The following NLRP4 variants were observed in gnomAD, a reference collection of about 807,000 sequenced individuals.
NLRP4 encodes the protein NACHT, LRR and PYD domains-containing protein 4.
Under a neutral mutation model 84.7 loss-of-function variants are expected in NLRP4, and 44 were observed. The observed-to-expected ratio is 0.52, with a 90% CI of 0.41 to 0.67. The LOEUF is 0.67. NLRP4 is among the 30% of genes least tolerant of loss of function. The pLI, the probability that NLRP4 is intolerant of heterozygous loss-of-function variation, is 0.00. For synonymous variants in NLRP4, 544 were observed against 476.4 expected, an observed-to-expected ratio of 1.14 and a Z score of -1.85; for missense variants, 1,260 against 1,219.4, an observed-to-expected ratio of 1.03 and a Z score of -0.50.
chr19:55,859,354 T>C (rs1431510990), intron 3 of NLRP4, 105 bp downstream of exon 3: 2 of 904,496 alleles, frequency 2.2e-6, no homozygotes, highest in East Asian at 2.5e-5. Flanking sequence ...TAGAAACTCA[T>C]TTTTTCTGCC....
At chr19:55,864,962 A>AT (rs1258485490) in intron 5 of NLRP4, among the ~76,000 whole-genome samples, 1 of 152,216 alleles carries the variant, frequency 6.6e-6, no homozygotes, top group African/African-American at 2.4e-5. Flanking sequence ...GTTTTTAAAC[A>AT]TTTAAAAATT....
intron 4 of NLRP4, 85 bp from the exon 5 acceptor site, chr19:55,861,907 T>C: frequency 1.1e-6 from 1 of 922,148 alleles, no homozygotes; most frequent in East Asian, 2.4e-5. Flanking sequence ...AATGAGTTCA[T>C]GATGGATGAT....
chr19:55,864,008 A>T (rs1238156239), intron 5 of NLRP4, among the ~76,000 whole-genome samples: 2 of 152,330 alleles, frequency 1.3e-5, no homozygotes, highest in South Asian at 4.1e-4. Context: ...TTTAAAAAAT[A>T]ACAACTTTAT....
intron 3 of NLRP4, among the ~76,000 whole-genome samples, chr19:55,861,045 G>A (rs377363330): frequency 6.6e-6 from 1 of 152,160 alleles, no homozygotes; most frequent in East Asian, 1.9e-4. Context: ...TGTTTTGGGG[G>A]CTGGCTCTCC....
rs1462313995 is a variant in NLRP4, at chr19:55,836,574, C to A, written c.-426C>A. 1 of 152,396 alleles carries A rather than the reference C, an allele frequency of 6.6e-6. No homozygotes were observed. Among genetic ancestry groups the A allele is most frequent in the Admixed American group, 6.5e-5 (1 of 15,278 alleles). The allele number at this position is 152,396 out of a possible 1,614,324, so 9.4% of individuals were successfully genotyped here. On this transcript the variant is annotated 5_prime_UTR_variant, in exon 1 of 10. Transcript: ENST00000301295. ...GAAGGCGTGGAGCGGTGAGTCAGCG[C>A]TTCGTGCTGGGCTGTTCGTCTCTTC...
At chr19:55,880,738 A>G (rs1465313068) in intron 9 of NLRP4, among the ~76,000 whole-genome samples, 1 of 152,112 alleles carries the variant, frequency 6.6e-6, no homozygotes, top group Non-Finnish European at 1.5e-5. Flanking sequence ...TTCTGATTCA[A>G]AGCAATGATA....
At chr19:55,861,125 T>C (rs907821861) in intron 3 of NLRP4, among the ~76,000 whole-genome samples, 5 of 152,170 alleles carry the variant, frequency 3.3e-5, no homozygotes, top group Admixed American at 6.5e-5. Flanking sequence ...ACTCACTAGA[T>C]GCCAGAAGCA....
At chr19:55,880,296 T>G (rs552245326) in intron 9 of NLRP4, among the ~76,000 whole-genome samples, 21 of 152,334 alleles carry the variant, frequency 1.4e-4, no homozygotes, top group Admixed American at 5.2e-4. Flanking sequence ...TGCTAAAGAT[T>G]CAGAATGTAG....
At chr19:55,872,216 C>T (rs987312404) in intron 7 of NLRP4, among the ~76,000 whole-genome samples, 8 of 151,916 alleles carry the variant, frequency 5.3e-5, no homozygotes, top group Non-Finnish European at 7.4e-5. Flanking sequence ...CTCCTTAAGA[C>T]GTATTAAAAA....
At chr19:55,854,077 C>T (rs1258428152) in intron 2 of NLRP4, among the ~76,000 whole-genome samples, 2 of 152,110 alleles carry the variant, frequency 1.3e-5, no homozygotes, top group African/African-American at 4.8e-5. Context: ...TCAAGTGATT[C>T]TCCTGCCTCA....
rs1600231146 is a variant in NLRP4, at chr19:55,859,307, G to C, written c.1856+58G>C. 2.1e-6 allele frequency: 3 copies of C among 1,439,702 alleles called. No homozygotes were observed. The East Asian group carries it at 6.9e-5, about 33-fold the overall frequency. The allele number at this position is 1,439,702 out of a possible 1,614,324, so 89.2% of individuals were successfully genotyped here. A position where few individuals can be genotyped will look rare whatever the true frequency, so the allele number is the denominator to read the frequency against. ...CAGAATCTGTCTGTATTCCCAAGTG[G>C]GTTTTGCTGAGGGAGTGTTTAATAT... On this transcript the variant is annotated intron_variant, in intron 3 of 9. Coordinates refer to ENST00000301295, the MANE Select transcript of NLRP4 (RefSeq NM_134444.5).
intron 1 of NLRP4, among the ~76,000 whole-genome samples, chr19:55,845,386 A>G (rs1419542611): frequency 6.6e-6 from 1 of 151,752 alleles, no homozygotes; most frequent in African/African-American, 2.4e-5. Flanking sequence ...ATAGTATTCC[A>G]TGGTGTATAT....
At chr19:55,867,444 A>G (rs941764960) in intron 5 of NLRP4, among the ~76,000 whole-genome samples, 2 of 150,212 alleles carry the variant, frequency 1.3e-5, no homozygotes, top group African/African-American at 4.9e-5. Context: ...AAGCATACGT[A>G]TAACTGAGAT....
At chr19:55,837,095 T>A (rs1983351413) in intron 1 of NLRP4, among the ~76,000 whole-genome samples, 161 bp downstream of exon 1, 1 of 152,202 alleles carries the variant, frequency 6.6e-6, no homozygotes, top group South Asian at 2.1e-4. Context: ...ATTATGTATA[T>A]TAGCTGCAGA....
intron 1 of NLRP4, among the ~76,000 whole-genome samples, chr19:55,845,137 T>C (rs1983746067): frequency 6.6e-6 from 1 of 150,576 alleles, no homozygotes; most frequent in Non-Finnish European, 1.5e-5. Flanking sequence ...TAACTCGTCA[T>C]TTAGCATTAG....
rs11883174 is a variant in NLRP4 at position 55,848,891 on chromosome 19, T to G, written c.-65-3125T>G. ...CTGTTCTCCTAGTAGTGAATAAGTC[T>G]CGTGAGACCTGATGGTTCTATAAGG... On this transcript the variant is annotated intron_variant, in intron 1 of 9. Transcript: ENST00000301295. Among the ~76,000 whole-genome samples, 634 of 152,264 alleles carry G rather than the reference T, an allele frequency of 4.2e-3. 8 individuals are homozygous for G. The highest frequency in any genetic ancestry group is 0.015 in the African/African-American group (614 of 41,558).
intron 1 of NLRP4, among the ~76,000 whole-genome samples, chr19:55,839,121 C>G (rs1026612477): frequency 6.6e-6 from 1 of 152,042 alleles, no homozygotes; most frequent in African/African-American, 2.4e-5. Context: ...TGCTCTCCCT[C>G]CCCTTTCCCA....
chr19:55,858,533 C>G lies in NLRP4; in HGVS notation c.1140C>G (p.Phe380Leu). The change falls in exon 3 of 10, where the codon TTC becomes TTG. Residue 380 changes from phenylalanine to leucine, a missense_variant. Phe to Leu is a conservative substitution (Grantham distance 22, BLOSUM62 0). This residue lies in a region of NLRP4 where 712 missense variants were observed against 669.2 expected (regional missense o/e 1.06). Coordinates refer to ENST00000301295, the MANE Select transcript of NLRP4 (RefSeq NM_134444.5). This position sits in a 1 kb window ranked among gnomAD's most constrained non-coding sequence, Gnocchi z 4.2. Reference sequence around the variant, plus strand: ...ACTCCTCTTTCGTCTTTAACCTGTTCACACCTGAGGGTGCCGAGGGCCCGA... The same window carrying G: ...ACTCCTCTTTCGTCTTTAACCTGTTGACACCTGAGGGTGCCGAGGGCCCGA... The part of the protein sequence containing the change: ...SVYSSFVFNL[F>L]TPEGAEGPTP... 1 of 1,614,176 alleles carries G rather than the reference C, an allele frequency of 6.2e-7. No individual in the cohort carries two copies. The highest frequency in any genetic ancestry group is 1.6e-4 in the Middle Eastern group (1 of 6,062).
At chr19:55,863,825 A>C (rs1024083588) in intron 5 of NLRP4, among the ~76,000 whole-genome samples, 2 of 152,156 alleles carry the variant, frequency 1.3e-5, no homozygotes, top group Admixed American at 6.5e-5. Context: ...TCCAGTATGT[A>C]TGTTTTAATT....
Sources: allele counts gnomAD v4.1 joint callset (sites outside exome capture counted in the v4.1 genomes callset), GRCh38; gene constraint gnomAD v4.1.1; regional missense constraint gnomAD v4.1.1; non-coding constraint Gnocchi (gnomAD v3.1); transcripts MANE v1.5; gene names NCBI Gene and HGNC (gene_info 2026-07-23, HGNC 2026-07-21).